The following BABAM2 variants were observed in gnomAD, a reference collection of about 807,000 sequenced individuals.
BABAM2 encodes the protein BRISC and BRCA1 A complex member 2.
In BABAM2, 31 loss-of-function variants were observed where a neutral mutation model predicts 54.7. The observed-to-expected ratio is 0.57, with a 90% CI of 0.43 to 0.77. The LOEUF is 0.77. BABAM2 is among the 30% of genes least tolerant of loss of function. BABAM2 has a pLI of 0.00. For synonymous variants in BABAM2, 167 were observed against 162.9 expected (o/e 1.03, Z -0.19); for missense variants, 364 against 455.8 (o/e 0.80, Z 1.83).
intron 2 of BABAM2, among the ~76,000 whole-genome samples, chr2:27,915,702 A>G (rs1036809797): frequency 6.6e-6 from 1 of 152,180 alleles, no homozygotes; most frequent in Non-Finnish European, 1.5e-5. Context: ...TTTAGAAAGC[A>G]CTTTTCAGTA....
At chr2:28,026,959 A>AATATATATAAAT (rs1675881860) in intron 5 of BABAM2, among the ~76,000 whole-genome samples, 4 of 9,296 alleles carry the variant, frequency 4.3e-4, no homozygotes, top group African/African-American at 5.1e-4. Context: ...AATATATATA[A>AATATATATAAAT]ATATATATAT....
At chr2:28,171,634 A>G (rs1212708194) in intron 7 of BABAM2, among the ~76,000 whole-genome samples, 1 of 152,062 alleles carries the variant, frequency 6.6e-6, no homozygotes, top group African/African-American at 2.4e-5. Context: ...TTGTGTTCTG[A>G]TTGTTTTCCA....
chr2:28,332,436 A>G (rs57413488), intron 11 of BABAM2, among the ~76,000 whole-genome samples: 18,811 of 152,152 alleles, frequency 0.12, 1,557 homozygotes, highest in African/African-American at 0.23. Flanking sequence ...TAAGATCATT[A>G]AGTAGAAATC....
intron 10 of BABAM2, among the ~76,000 whole-genome samples, chr2:28,287,709 G>A (rs933784473): frequency 1.7e-4 from 26 of 152,176 alleles, no homozygotes; most frequent in Admixed American, 1.6e-3. Flanking sequence ...GCAATAGCAG[G>A]TTGAAGGGAA....
At chr2:28,242,343 A>G (rs1289922658) in intron 9 of BABAM2, among the ~76,000 whole-genome samples, 1 of 152,202 alleles carries the variant, frequency 6.6e-6, no homozygotes, top group Non-Finnish European at 1.5e-5. Context: ...TGGCTGCTCC[A>G]TCCCTGTGCC....
At chr2:28,098,978 TC>T (rs1371163737) in intron 6 of BABAM2, among the ~76,000 whole-genome samples, 1 of 152,144 alleles carries the variant, frequency 6.6e-6, no homozygotes, top group Non-Finnish European at 1.5e-5. Flanking sequence ...GATCTCAGAC[TC>T]TATTAAAAGG....
chr2:28,233,658 G>A (rs906177134), intron 7 of BABAM2, among the ~76,000 whole-genome samples: 1 of 152,110 alleles, frequency 6.6e-6, no homozygotes, highest in Admixed American at 6.5e-5. Flanking sequence ...TTAAATAAAG[G>A]GTGAAATGAC....
chr2:28,196,836 CTT>C (rs759950166), intron 7 of BABAM2, among the ~76,000 whole-genome samples: 1 of 40,248 alleles, frequency 2.5e-5, no homozygotes, highest in Admixed American at 5.1e-4. Context: ...GAGACCCTGT[CTT>C]TTTTTTTTTT....
Position 28,338,768 on chromosome 2 carries a change from T to C in BABAM2, c.*255T>C. ...TATTTCTTAGTTGGAAGAAATAAACTCACAAATTATGGTGCAGTAATTTTC... is the reference window on the plus strand; with the variant it reads ...TATTTCTTAGTTGGAAGAAATAAACCCACAAATTATGGTGCAGTAATTTTC... On this transcript the variant is annotated 3_prime_UTR_variant, in exon 12 of 12. Coordinates refer to ENST00000379624, the MANE Select transcript of BABAM2 (RefSeq NM_199191.3). 2.3e-6 allele frequency: 1 copy of C among 429,892 alleles called. No homozygotes were observed. Among genetic ancestry groups the C allele is most frequent in the Non-Finnish European group, 4.2e-6 (1 of 236,912 alleles). 26.6% of individuals were successfully genotyped at this position (429,892 alleles called of 1,614,324 possible).
chr2:28,199,969 G>A (rs1248868283), intron 7 of BABAM2, among the ~76,000 whole-genome samples: 1 of 152,176 alleles, frequency 6.6e-6, no homozygotes, highest in Non-Finnish European at 1.5e-5. Flanking sequence ...TTTTGAATGT[G>A]TTAATGAAAG....
At chr2:28,259,113 G>A (rs1006017752) in intron 10 of BABAM2, among the ~76,000 whole-genome samples, 1 of 68,224 alleles carries the variant, frequency 1.5e-5, no homozygotes, top group Non-Finnish European at 2.6e-5. Flanking sequence ...TTTTCAGACT[G>A]AGTCTTGCTC....
chr2:28,201,183 T>C (rs1678234139), intron 7 of BABAM2, among the ~76,000 whole-genome samples: 1 of 152,174 alleles, frequency 6.6e-6, no homozygotes, highest in African/African-American at 2.4e-5. Context: ...TGGTATTAAA[T>C]TGTTTTTTAT....
chr2:28,112,151 C>CTTTCTTTCTTTCTTTCT (rs1261759583), intron 6 of BABAM2, among the ~76,000 whole-genome samples: 3 of 19,606 alleles, frequency 1.5e-4, no homozygotes, highest in East Asian at 2.3e-3. Context: ...CTTTCTTTAC[C>CTTTCTTTCTTTCTTTCT]TCCCTCCCTC....
chr2:28,104,002 C>T (rs1667294988), intron 6 of BABAM2, among the ~76,000 whole-genome samples: 1 of 152,110 alleles, frequency 6.6e-6, no homozygotes, highest in African/African-American at 2.4e-5. Context: ...CCCTTATATT[C>T]TGAGGCACAT....
chr2:28,214,139 A>G (rs1442294939), intron 7 of BABAM2, among the ~76,000 whole-genome samples: 1 of 152,028 alleles, frequency 6.6e-6, no homozygotes, highest in African/African-American at 2.4e-5. Flanking sequence ...GTCAGTTTTC[A>G]TCATCTTTTT....
At chr2:28,309,227 A>G (rs1688843945) in intron 11 of BABAM2, 1 of 152,200 alleles carries the variant, frequency 6.6e-6, no homozygotes, top group African/African-American at 2.4e-5. Flanking sequence ...CACCCTCAGC[A>G]ACTAGAGGCT....
intron 2 of BABAM2, among the ~76,000 whole-genome samples, chr2:27,899,111 A>G (rs1665570842): frequency 6.6e-6 from 1 of 152,146 alleles, no homozygotes; most frequent in African/African-American, 2.4e-5. Flanking sequence ...ACAAAAATAA[A>G]GAAAAAAAAT....
rs1690388068 is a variant in BABAM2, at chr2:28,325,713, C to T, written c.1089-12737C>T. Among the ~76,000 whole-genome samples, 1 of 152,186 alleles carries T rather than the reference C, an allele frequency of 6.6e-6. No individual in the cohort carries two copies. The highest frequency in any genetic ancestry group is 1.5e-5 in the Non-Finnish European group (1 of 68,040). On this transcript the variant is annotated intron_variant, in intron 11 of 11. Transcript: ENST00000379624. This position sits in a 1 kb window ranked among gnomAD's most constrained non-coding sequence, Gnocchi z 4.3. ...ACCATGGCCATCTTGCTGCCCCTCC[C>T]CCACATCCTCAAACACCCAGCCAGG...
chr2:28,068,197 T>C (rs1390429580), intron 6 of BABAM2, among the ~76,000 whole-genome samples: 1 of 152,212 alleles, frequency 6.6e-6, no homozygotes, highest in Non-Finnish European at 1.5e-5. Flanking sequence ...TAATAAAGAA[T>C]AGGAACAGAC....
Sources: allele counts gnomAD v4.1 joint callset (sites outside exome capture counted in the v4.1 genomes callset), GRCh38; gene constraint gnomAD v4.1.1; non-coding constraint Gnocchi (gnomAD v3.1); transcripts MANE v1.5; gene names NCBI Gene and HGNC (gene_info 2026-07-23, HGNC 2026-07-21).